The following ANO5 variants were observed in gnomAD, a reference collection of about 807,000 sequenced individuals.
The protein encoded by ANO5 is anoctamin 5.
Under a neutral mutation model 121.0 loss-of-function variants are expected in ANO5, and 109 were observed. The ratio of observed to expected loss-of-function variants is 0.90; its 90% CI spans 0.77 to 1.06. The LOEUF is 1.06. Ranked by LOEUF, ANO5 falls within the 50% of genes least tolerant of loss-of-function variation. The probability of loss-of-function intolerance (pLI) is 0.00; values close to 1 mark genes in which losing one functional copy is unlikely to be tolerated. For missense variants in ANO5, 1,064 were observed against 1,078.5 expected (o/e 0.99, Z 0.19); for synonymous variants, 406 against 359.9 (o/e 1.13, Z -1.45).
intron 1 of ANO5, among the ~76,000 whole-genome samples, chr11:22,194,675 A>G (rs2133479226): frequency 6.6e-6 from 1 of 152,322 alleles, no homozygotes; most frequent in African/African-American, 2.4e-5. Flanking sequence ...CATTCGAATA[A>G]ATAGAATCAT....
intron 9 of ANO5, among the ~76,000 whole-genome samples, chr11:22,241,386 T>G (rs563857102): frequency 1.1e-4 from 17 of 151,972 alleles, no homozygotes; most frequent in Non-Finnish European, 2.5e-4. Flanking sequence ...GTAGAACAAT[T>G]TATATTGCTT....
rs749373844 is a variant in ANO5 at position 22,270,296 on chromosome 11, T to G, written c.1899-16T>G. 3.7e-6 allele frequency: 6 copies of G among 1,614,016 alleles called. No homozygotes were observed. The South Asian group carries it at 5.5e-5, about 15-fold the overall frequency. On this transcript the variant is annotated splice_polypyrimidine_tract_variant and intron_variant, in intron 17 of 21. Transcript: ENST00000324559. ...TTGGTCCTATTTCATATATTAACTT[T>G]TATCACTTCCAACAGCTTGGCTTTG...
In ANO5 at chr11:22,255,440, T is replaced by C. The variant is rs1853970190; in HGVS notation, c.1250T>C (p.Phe417Ser). 6.2e-7 allele frequency: 1 copy of C among 1,613,450 alleles called. No homozygotes were observed. ...GAATATGAATGGGACCTGGTGGACT[T>C]TGAAGAGGAACAGCAGCAGCTTCAG... ...RLEYEWDLVD[F>S]EEEQQQLQLR... The change falls in exon 13 of 22, where the codon TTT (phenylalanine) becomes TCT (serine). Residue 417 changes from phenylalanine (F) to serine (S), a missense_variant. Transcript: ENST00000324559.
In ANO5 at chr11:22,279,611, A is replaced by G; in HGVS notation, c.2588A>G (p.Glu863Gly). ...CCTGATGTTCCAAAAGATGTTGTGG[A>G]GAGAATCAAGAGAGAAAAGTTAATG... The part of the protein sequence containing the change: ...MIPDVPKDVV[E>G]RIKREKLMTI... Residue 863 changes from glutamate to glycine, a missense_variant, in exon 22 of 22, where the codon GAG (glutamate) becomes GGG (glycine). Glu to Gly is a moderately conservative substitution (Grantham distance 98). Coordinates refer to ENST00000324559, the MANE Select transcript of ANO5 (RefSeq NM_213599.3). 6.2e-7 allele frequency: 1 copy of G among 1,613,016 alleles called. No homozygotes were observed. Among genetic ancestry groups the G allele is most frequent in the Non-Finnish European group, 8.5e-7 (1 of 1,179,214 alleles).
At chr11:22,204,726 G>T (rs1430988737) in intron 2 of ANO5, among the ~76,000 whole-genome samples, 2 of 152,114 alleles carry the variant, frequency 1.3e-5, no homozygotes. Flanking sequence ...GGAGAAGAAG[G>T]AATGCTTATA....
chr11:22,277,048 ACTT>A (rs1854879454), intron 21 of ANO5, among the ~76,000 whole-genome samples: 2 of 151,244 alleles, frequency 1.3e-5, no homozygotes, highest in Non-Finnish European at 3.0e-5. Flanking sequence ...TCCAAAGTAA[ACTT>A]CTCAATTTTT....
intron 2 of ANO5, among the ~76,000 whole-genome samples, chr11:22,206,066 A>T (rs1852111600): frequency 6.6e-6 from 1 of 152,148 alleles, no homozygotes; most frequent in African/African-American, 2.4e-5. Flanking sequence ...AATTTTATAC[A>T]ATCTCTTCCA....
At chr11:22,255,331 T>C in intron 12 of ANO5, 40 bp from the exon 13 acceptor site, 1 of 1,488,062 alleles carries the variant, frequency 6.7e-7, no homozygotes, top group Non-Finnish European at 9.0e-7. Flanking sequence ...AGTTTTTAAC[T>C]TTTTTAATAT....
intron 20 of ANO5, 77 bp from the exon 21 acceptor site, chr11:22,276,017 G>A: frequency 1.0e-6 from 1 of 993,440 alleles, no homozygotes; most frequent in Non-Finnish European, 1.6e-6. Context: ...AGAGAAATAA[G>A]AAATTATGTG....
chr11:22,271,299 C>T (rs1398175651), intron 18 of ANO5, among the ~76,000 whole-genome samples: 1 of 152,114 alleles, frequency 6.6e-6, no homozygotes, highest in Admixed American at 6.5e-5. Context: ...TCTCCCGCCT[C>T]GGCCTCCCAA....
chr11:22,218,245 G>T lies in ANO5; in HGVS notation c.139-1G>T. 6.2e-7 allele frequency: 1 copy of T among 1,613,148 alleles called. No individual in the cohort carries two copies. Among genetic ancestry groups the T allele is most frequent in the Non-Finnish European group, 8.5e-7 (1 of 1,179,594 alleles). On this transcript the variant is annotated splice_acceptor_variant, in intron 3 of 21. Transcript: ENST00000324559. LOFTEE classifies it high-confidence loss of function. ...CTAATTCTTTATTGGTTGCTTCACA[G>T]CCTGCAAAGCGATTCAATTTGTTCC...
In ANO5 at chr11:22,227,132, CTA is replaced by C. The variant is rs34515704; in HGVS notation, c.364-166_364-165del. Among the ~76,000 whole-genome samples the C allele has an allele frequency of 0.043, 6,502 of 151,928 alleles. 463 individuals are homozygous for C. The highest frequency in any genetic ancestry group is 0.15 in the African/African-American group (6,223 of 41,422). ...TATACATATATACATGTTTTTGTAA[CTA>C]TATGTTTTGTGAATTTTGTTTTCTC... On this transcript the variant is annotated intron_variant, in intron 6 of 21. Coordinates refer to ENST00000324559, the MANE Select transcript of ANO5 (RefSeq NM_213599.3).
chr11:22,197,122 G>C (rs1851836774), intron 1 of ANO5, among the ~76,000 whole-genome samples: 1 of 152,114 alleles, frequency 6.6e-6, no homozygotes, highest in African/African-American at 2.4e-5. Context: ...TTGATTGTAA[G>C]AGAGACAACA....
At chr11:22,248,123 C>A (rs761562308) in intron 9 of ANO5, among the ~76,000 whole-genome samples, 46 of 152,046 alleles carry the variant, frequency 3.0e-4, no homozygotes, top group Non-Finnish European at 6.2e-4. Context: ...CAATTTAATT[C>A]TATCATCATT....
chr11:22,247,140 T>C (rs960735725), intron 9 of ANO5, among the ~76,000 whole-genome samples: 2 of 152,124 alleles, frequency 1.3e-5, no homozygotes, highest in African/African-American at 4.8e-5. Flanking sequence ...CACAGTGCTT[T>C]TGAACTATGT....
chr11:22,265,738 T>C (rs571729359), intron 17 of ANO5, among the ~76,000 whole-genome samples: 3 of 152,204 alleles, frequency 2.0e-5, no homozygotes, highest in East Asian at 3.9e-4. Context: ...GACAAGTGGA[T>C]TCTAAAATTT....
chr11:22,208,276 C>T (rs1224921526), intron 2 of ANO5, among the ~76,000 whole-genome samples: 1 of 151,974 alleles, frequency 6.6e-6, no homozygotes, highest in Admixed American at 6.6e-5. Context: ...GTGGAAACAA[C>T]CTAAGTGTCC....
chr11:22,254,657 G>A (rs530632113), intron 12 of ANO5, among the ~76,000 whole-genome samples: 12 of 151,292 alleles, frequency 7.9e-5, no homozygotes, highest in South Asian at 4.2e-4. Flanking sequence ...TATTTGTAAT[G>A]GAATATTTTT....
At chr11:22,216,054 G>A (rs1852432673) in intron 3 of ANO5, among the ~76,000 whole-genome samples, 1 of 151,686 alleles carries the variant, frequency 6.6e-6, no homozygotes, top group Admixed American at 6.6e-5. Context: ...TCATTGTATG[G>A]ATATACTGAA....
Sources: allele counts gnomAD v4.1 joint callset (sites outside exome capture counted in the v4.1 genomes callset), GRCh38; gene constraint gnomAD v4.1.1; transcripts MANE v1.5; gene names NCBI Gene and HGNC (gene_info 2026-07-23, HGNC 2026-07-21).